The following SLC25A37 variants were observed in gnomAD, a reference collection of about 807,000 sequenced individuals.
SLC25A37 encodes the protein solute carrier family 25 member 37.
SLC25A37 carries 17 observed loss-of-function variants against 31.0 expected under a neutral mutation model. The ratio of observed to expected loss-of-function variants is 0.55; its 90% CI spans 0.38 to 0.82. The LOEUF is 0.82. Among genes scored for constraint, SLC25A37 ranks in the 40% least tolerant of loss-of-function variants. The probability of loss-of-function intolerance (pLI) is 0.00; values close to 1 mark genes in which losing one functional copy is unlikely to be tolerated. For synonymous variants in SLC25A37, 222 were observed against 193.0 expected, an observed-to-expected ratio of 1.15 and a Z score of -1.24; for missense variants, 404 against 465.8, an observed-to-expected ratio of 0.87 and a Z score of 1.22.
In SLC25A37 at chr8:23,554,274, G is replaced by A. The variant is rs185371841; in HGVS notation, c.211-11834G>A. ...GAAGGTTCAGGGAAGCAAGTTGATT[G>A]ACCTGAGGCCATACAATGTATCAGT... On this transcript the variant is annotated intron_variant, in intron 1 of 3. Transcript: ENST00000519973. Among the ~76,000 whole-genome samples, 35 of 152,292 alleles carry A rather than the reference G, an allele frequency of 2.3e-4. 1 individual carries two copies. The highest frequency in any genetic ancestry group is 8.4e-4 in the African/African-American group (35 of 41,546).
intron 1 of SLC25A37, among the ~76,000 whole-genome samples, chr8:23,552,099 A>G (rs1802243096): frequency 6.6e-6 from 1 of 152,248 alleles, no homozygotes; most frequent in Admixed American, 6.5e-5. Context: ...CAGCAAGTAG[A>G]GAAAAACACC....
At chr8:23,538,481 G>A (rs1460408974) in intron 1 of SLC25A37, among the ~76,000 whole-genome samples, 1 of 149,226 alleles carries the variant, frequency 6.7e-6, no homozygotes, top group Non-Finnish European at 1.5e-5. Flanking sequence ...ATCCATGCAT[G>A]TTATGGCCAC....
intron 3 of SLC25A37, among the ~76,000 whole-genome samples, chr8:23,569,402 T>TACATACACACAC (rs1802758191): frequency 6.7e-6 from 1 of 150,140 alleles, no homozygotes; most frequent in Non-Finnish European, 1.5e-5. Context: ...TATGTGTGCA[T>TACATACACACAC]ACACACACAC....
At chr8:23,538,722 T>C (rs1801828710) in intron 1 of SLC25A37, among the ~76,000 whole-genome samples, 1 of 152,124 alleles carries the variant, frequency 6.6e-6, no homozygotes, top group Non-Finnish European at 1.5e-5. Flanking sequence ...TAAGCGTGCT[T>C]CCTATAATTA....
At position 23,529,588 on chromosome 8, in the gene SLC25A37, T is replaced by C. The variant is rs1801622858; in HGVS notation, c.210+376T>C. On this transcript the variant is annotated intron_variant, in intron 1 of 3. Transcript: ENST00000519973. The surrounding 1 kb of genome is among the most constrained non-coding windows in gnomAD (Gnocchi z 4.1). Reference sequence around the variant, plus strand: ...TACCACGCTGGCCGTTCGGGCTGGCTGGGGCCGCCCACACGTGCGCGGTTT... The same window carrying C: ...TACCACGCTGGCCGTTCGGGCTGGCCGGGGCCGCCCACACGTGCGCGGTTT... Among the ~76,000 whole-genome samples the C allele has an allele frequency of 6.6e-6, 1 of 152,130 alleles. No homozygotes were observed. The highest frequency in any genetic ancestry group is 1.5e-5 in the Non-Finnish European group (1 of 67,998).
At chr8:23,533,806 C>T (rs917959347) in intron 1 of SLC25A37, among the ~76,000 whole-genome samples, 2 of 152,248 alleles carry the variant, frequency 1.3e-5, no homozygotes, top group African/African-American at 2.4e-5. Flanking sequence ...CACAGACATA[C>T]CCCTGTGATC....
intron 1 of SLC25A37, among the ~76,000 whole-genome samples, chr8:23,557,201 C>G (rs1466993630): frequency 6.6e-6 from 1 of 152,120 alleles, no homozygotes; most frequent in Non-Finnish European, 1.5e-5. Flanking sequence ...GTGGGACTAT[C>G]CAAAGCCCTG....
intron 2 of SLC25A37, chr8:23,567,193 A>G (rs1802687038): frequency 6.6e-6 from 1 of 152,204 alleles, no homozygotes; most frequent in Non-Finnish European, 1.5e-5. Flanking sequence ...GATTTGACCC[A>G]CAATAACTTC....
At chr8:23,566,498 GCA>G (rs1376494579) in intron 2 of SLC25A37, 162 bp downstream of exon 2, 42 of 1,411,920 alleles carry the variant, frequency 3.0e-5, no homozygotes, top group Admixed American at 1.1e-4. Context: ...ACACACGCAC[GCA>G]CACACACGCG....
At chr8:23,556,939 C>G (rs73555573) in intron 1 of SLC25A37, among the ~76,000 whole-genome samples, 1,597 of 152,232 alleles carry the variant, frequency 0.01, 36 homozygotes, top group African/African-American at 0.034. Flanking sequence ...CAACCTCCAC[C>G]TCCTGAGTTC....
intron 1 of SLC25A37, among the ~76,000 whole-genome samples, chr8:23,559,344 T>TGTGTGCGTGC (rs71509392): frequency 2.6e-5 from 4 of 151,732 alleles, no homozygotes; most frequent in African/African-American, 9.7e-5. Context: ...CGGTTGTGTG[T>TGTGTGCGTGC]GTGTGTGTGC....
rs1585207211 is a variant in SLC25A37 at position 23,571,262 on chromosome 8, C to G, written c.497-73C>G. 3 of 1,451,782 alleles carry G rather than the reference C, an allele frequency of 2.1e-6. No homozygotes were observed. In the African/African-American group the frequency reaches 4.3e-5, roughly 21 times the overall value. 89.9% of individuals were successfully genotyped at this position (1,451,782 alleles called of 1,614,324 possible). A position where few individuals can be genotyped will look rare whatever the true frequency, so the allele number is the denominator to read the frequency against. On this transcript the variant is annotated intron_variant, in intron 3 of 3. Transcript: ENST00000519973. ...TCTTTATGGCTTGGCTTCATTCCGA[C>G]CTGGGGTGGGGCCACATCCAACCCA...
intron 1 of SLC25A37, among the ~76,000 whole-genome samples, chr8:23,544,129 G>A (rs1310830435): frequency 1.3e-5 from 2 of 152,176 alleles, no homozygotes; most frequent in Admixed American, 6.5e-5. Context: ...CAAAGTGCTG[G>A]GATTACAGTT....
At chr8:23,551,352 G>T (rs1262798402) in intron 1 of SLC25A37, among the ~76,000 whole-genome samples, 1 of 152,194 alleles carries the variant, frequency 6.6e-6, no homozygotes, top group East Asian at 1.9e-4. Flanking sequence ...GGGCCACCAG[G>T]TGCGAGTCCC....
At chr8:23,556,428 G>T (rs1432835496) in intron 1 of SLC25A37, among the ~76,000 whole-genome samples, 1 of 151,936 alleles carries the variant, frequency 6.6e-6, no homozygotes, top group Non-Finnish European at 1.5e-5. Context: ...GTCTTGCTAT[G>T]TTGTCCAGAC....
intron 1 of SLC25A37, among the ~76,000 whole-genome samples, chr8:23,557,653 A>C (rs1026209693): frequency 1.3e-5 from 2 of 152,036 alleles, no homozygotes; most frequent in Non-Finnish European, 1.5e-5. Context: ...AGGAGCATAG[A>C]GCTCTGGATG....
intron 1 of SLC25A37, among the ~76,000 whole-genome samples, chr8:23,548,372 A>G (rs182984733): frequency 1.3e-4 from 20 of 148,462 alleles, no homozygotes; most frequent in Non-Finnish European, 2.1e-4. Flanking sequence ...TAGAGATGGG[A>G]TTTCACCATG....
At chr8:23,537,750 G>T (rs1170950731) in intron 1 of SLC25A37, among the ~76,000 whole-genome samples, 1 of 152,200 alleles carries the variant, frequency 6.6e-6, no homozygotes, top group Non-Finnish European at 1.5e-5. Context: ...CTGCGGGAGA[G>T]GTAAGTTTAG....
At chr8:23,565,104 A>G (rs1802618056) in intron 1 of SLC25A37, among the ~76,000 whole-genome samples, 1 of 152,126 alleles carries the variant, frequency 6.6e-6, no homozygotes, top group Non-Finnish European at 1.5e-5. Context: ...CTTGAGAGAG[A>G]CCCAGTTTTT....
Sources: allele counts gnomAD v4.1 joint callset (sites outside exome capture counted in the v4.1 genomes callset), GRCh38; gene constraint gnomAD v4.1.1; non-coding constraint Gnocchi (gnomAD v3.1); transcripts MANE v1.5; gene names NCBI Gene and HGNC (gene_info 2026-07-23, HGNC 2026-07-21).